The following CRPPA variants were observed in gnomAD, a reference collection of about 807,000 sequenced individuals.
CRPPA encodes CDP-L-ribitol pyrophosphorylase A, also known as D-ribitol-5-phosphate cytidylyltransferase.
In CRPPA, 43 loss-of-function variants were observed where a neutral mutation model predicts 52.0. The observed-to-expected ratio is 0.83, with a 90% confidence interval of 0.65 to 1.07. CRPPA has a LOEUF of 1.07. Among genes scored for constraint, CRPPA ranks in the 50% least tolerant of loss-of-function variants. The pLI is 0.00. For missense variants in CRPPA, 629 were observed against 551.7 expected (o/e 1.14, Z -1.40); for synonymous variants, 250 against 203.5 (o/e 1.23, Z -1.94).
intron 3 of CRPPA, among the ~76,000 whole-genome samples, chr7:16,334,469 A>T (rs1424234419): frequency 9.2e-5 from 14 of 152,186 alleles, no homozygotes; most frequent in Non-Finnish European, 1.9e-4. Flanking sequence ...TAACCTAGAA[A>T]GCAAGCCAAA....
intron 9 of CRPPA, among the ~76,000 whole-genome samples, chr7:16,167,214 C>T (rs1781086815): frequency 6.6e-6 from 1 of 152,192 alleles, no homozygotes; most frequent in Non-Finnish European, 1.5e-5. Flanking sequence ...GCGTGAGCCA[C>T]CGCGCCCAGC....
intron 6 of CRPPA, chr7:16,276,558 A>C (rs1784207804): frequency 6.6e-6 from 1 of 152,194 alleles, no homozygotes; most frequent in Admixed American, 6.5e-5. Context: ...TCTAGCCAAA[A>C]CCACCTTGAA....
At chr7:16,115,124 C>T (rs987934) in intron 9 of CRPPA, among the ~76,000 whole-genome samples, 48,288 of 151,662 alleles carry the variant, frequency 0.32, 8,508 homozygotes, top group Admixed American at 0.41. Context: ...TGAAATGAAC[C>T]AAAATGTACT....
At chr7:16,207,923 C>A (rs557431802) in intron 9 of CRPPA, among the ~76,000 whole-genome samples, 4 of 152,296 alleles carry the variant, frequency 2.6e-5, no homozygotes, top group African/African-American at 9.6e-5. Flanking sequence ...CAGTAGGATT[C>A]CACTTGTCAA....
chr7:16,419,760 A>G (rs1488670439), intron 1 of CRPPA, among the ~76,000 whole-genome samples: 1 of 151,910 alleles, frequency 6.6e-6, no homozygotes, highest in Non-Finnish European at 1.5e-5. Flanking sequence ...TTCCATCTCC[A>G]AACTCATCAA....
chr7:16,105,703 G>T (rs1040517621), intron 9 of CRPPA, among the ~76,000 whole-genome samples: 1 of 152,082 alleles, frequency 6.6e-6, no homozygotes, highest in South Asian at 2.1e-4. Flanking sequence ...CTGATGGGAT[G>T]TTCAACAAAA....
chr7:16,126,278 G>A (rs553457024), intron 9 of CRPPA, among the ~76,000 whole-genome samples: 1 of 152,190 alleles, frequency 6.6e-6, no homozygotes, highest in East Asian at 1.9e-4. Flanking sequence ...AATCATGTGG[G>A]CACTTTGTCC....
intron 9 of CRPPA, among the ~76,000 whole-genome samples, chr7:16,199,068 A>AT (rs2128392948): frequency 6.6e-6 from 1 of 152,188 alleles, no homozygotes; most frequent in South Asian, 2.1e-4. Flanking sequence ...ACCCTTTGTA[A>AT]TTTTTTACTG....
At chr7:16,200,528 C>T (rs1288409565) in intron 9 of CRPPA, among the ~76,000 whole-genome samples, 4 of 152,144 alleles carry the variant, frequency 2.6e-5, no homozygotes, top group Admixed American at 6.6e-5. Flanking sequence ...ATTGGAATGA[C>T]GTGACACATA....
chr7:16,317,617 G>A (rs1253539097), intron 3 of CRPPA, among the ~76,000 whole-genome samples: 1 of 152,128 alleles, frequency 6.6e-6, no homozygotes, highest in Non-Finnish European at 1.5e-5. Flanking sequence ...TAACATTCCA[G>A]TGGGTGCACA....
intron 5 of CRPPA, among the ~76,000 whole-genome samples, chr7:16,279,750 A>G (rs1784283124): frequency 6.6e-6 from 1 of 152,182 alleles, no homozygotes; most frequent in Non-Finnish European, 1.5e-5. Context: ...TAAGAAGGAA[A>G]CAACATTTTA....
intron 9 of CRPPA, among the ~76,000 whole-genome samples, chr7:16,214,983 T>G (rs1402710946): frequency 6.6e-6 from 1 of 152,198 alleles, no homozygotes; most frequent in East Asian, 1.9e-4. Flanking sequence ...GCCTAGTTCT[T>G]GATAACTGAG....
chr7:16,154,519 A>G (rs1783137035), intron 9 of CRPPA, among the ~76,000 whole-genome samples: 1 of 152,178 alleles, frequency 6.6e-6, no homozygotes, highest in African/African-American at 2.4e-5. Context: ...TATATCATAT[A>G]TACTCCGAGT....
chr7:16,294,227 G>GT (rs757431154), intron 5 of CRPPA, among the ~76,000 whole-genome samples: 5 of 151,800 alleles, frequency 3.3e-5, no homozygotes, highest in African/African-American at 9.7e-5. Flanking sequence ...CATCATTTGG[G>GT]TTTTTTTGGG....
At chr7:16,416,934 T>C (rs554640688) in intron 1 of CRPPA, among the ~76,000 whole-genome samples, 36 of 152,162 alleles carry the variant, frequency 2.4e-4, no homozygotes, top group Admixed American at 2.2e-3. Context: ...CCAGAATCTA[T>C]AAGGAACTGT....
chr7:16,251,147 T>C (rs1783438249), intron 8 of CRPPA, among the ~76,000 whole-genome samples: 1 of 151,758 alleles, frequency 6.6e-6, no homozygotes, highest in Non-Finnish European at 1.5e-5. Flanking sequence ...TTACCTATGG[T>C]AAAGGGATCA....
chr7:16,399,268 G>A (rs1458820508), intron 2 of CRPPA, among the ~76,000 whole-genome samples: 1 of 152,190 alleles, frequency 6.6e-6, no homozygotes, highest in Non-Finnish European at 1.5e-5. Flanking sequence ...ACATGTGACT[G>A]ACACGATACA....
intron 2 of CRPPA, among the ~76,000 whole-genome samples, chr7:16,397,084 G>A (rs550821498): frequency 6.6e-6 from 1 of 152,330 alleles, no homozygotes; most frequent in South Asian, 2.1e-4. Flanking sequence ...CACATGACAT[G>A]GAAGACACAC....
chr7:16,343,480 G>A (rs1785925462), intron 3 of CRPPA, among the ~76,000 whole-genome samples: 1 of 152,096 alleles, frequency 6.6e-6, no homozygotes, highest in Non-Finnish European at 1.5e-5. Flanking sequence ...CCAGATAACT[G>A]CCATATTCGA....
Sources: gnomAD v4.1 joint callset for allele counts (sites outside exome capture counted in the v4.1 genomes callset) on GRCh38, gnomAD v4.1.1 for gene constraint, MANE v1.5 for transcripts, NCBI Gene and HGNC (gene_info 2026-07-23, HGNC 2026-07-21) for gene names.